The following ANO6 variants were observed in gnomAD, a reference collection of about 807,000 sequenced individuals.
The protein encoded by ANO6 is anoctamin 6.
In ANO6, 106 loss-of-function variants were observed where a neutral mutation model predicts 117.5. The observed-to-expected ratio is 0.90, with a 90% confidence interval of 0.77 to 1.06. The LOEUF (loss-of-function observed/expected upper bound fraction) is 1.06. ANO6 is among the 50% of genes least tolerant of loss of function. ANO6 has a pLI of 0.00. For missense variants in ANO6, 955 were observed against 1,121.1 expected, an observed-to-expected ratio of 0.85 and a Z score of 2.12; for synonymous variants, 367 against 385.1, an observed-to-expected ratio of 0.95 and a Z score of 0.55.
intron 9 of ANO6, among the ~76,000 whole-genome samples, chr12:45,370,919 G>A (rs992775474): frequency 3.3e-5 from 5 of 152,146 alleles, no homozygotes; most frequent in African/African-American, 4.8e-5. Flanking sequence ...CGCAGGAGAC[G>A]GGTGATTTCT....
downstream of ANO6, among the ~76,000 whole-genome samples, chr12:45,437,155 G>T (rs989010209): frequency 6.6e-6 from 1 of 152,180 alleles, no homozygotes; most frequent in African/African-American, 2.4e-5. Context: ...CCCTGGGAGG[G>T]TCTAAGTCCT....
chr12:45,327,903 C>T (rs756721908), intron 2 of ANO6, among the ~76,000 whole-genome samples: 7 of 151,996 alleles, frequency 4.6e-5, no homozygotes, highest in Non-Finnish European at 1.0e-4. Flanking sequence ...AGAGAACTCA[C>T]GGTGAACAAG....
chr12:45,321,654 A>G (rs564220854), intron 2 of ANO6, among the ~76,000 whole-genome samples: 2 of 152,130 alleles, frequency 1.3e-5, no homozygotes, highest in South Asian at 2.1e-4. Context: ...CGTGTTGTTC[A>G]TTTTCGAGAA....
At chr12:45,344,977 G>C (rs915891800) in intron 3 of ANO6, among the ~76,000 whole-genome samples, 1 of 152,140 alleles carries the variant, frequency 6.6e-6, no homozygotes, top group African/African-American at 2.4e-5. Context: ...TTGGGGAGCG[G>C]AGTAGGAAAG....
At chr12:45,276,671 A>T (rs546381132) in intron 1 of ANO6, among the ~76,000 whole-genome samples, 2 of 152,292 alleles carry the variant, frequency 1.3e-5, no homozygotes, top group South Asian at 2.1e-4. Context: ...GTTATTTTAA[A>T]AGTACTTATA....
In ANO6 at chr12:45,432,015, G is replaced by A. The variant is rs58181166; in HGVS notation, c.*2704G>A. 3.0e-6 allele frequency: 3 copies of A among 985,188 alleles called. No individual in the cohort carries two copies. The Admixed American group carries it at 1.8e-4, about 61-fold the overall frequency. The allele number at this position is 985,188 out of a possible 1,614,324, so 61.0% of individuals were successfully genotyped here. ...ACTAAACAAGGCCATCTTATAAACT[G>A]TCACCAAAGTCTTCCCTTTTTTATT... is the stretch of plus-strand genomic sequence containing the variant. On this transcript the variant is annotated 3_prime_UTR_variant, in exon 20 of 20. Coordinates refer to ENST00000320560, the MANE Select transcript of ANO6 (RefSeq NM_001025356.3).
At chr12:45,271,441 T>C (rs975918880) in intron 1 of ANO6, among the ~76,000 whole-genome samples, 2 of 152,240 alleles carry the variant, frequency 1.3e-5, no homozygotes, top group Non-Finnish European at 2.9e-5. Flanking sequence ...TTACTTTTAA[T>C]AGCAAAAAGT....
chr12:45,224,177 G>A (rs904367010), intron 1 of ANO6, among the ~76,000 whole-genome samples: 2 of 152,156 alleles, frequency 1.3e-5, no homozygotes, highest in African/African-American at 4.8e-5. Flanking sequence ...GAAAGCACGT[G>A]ACCTTGCCTA....
chr12:45,229,477 CCTCCTGGGTTCAAGCGAGT>C (rs1947540552), intron 1 of ANO6, among the ~76,000 whole-genome samples: 2 of 150,260 alleles, frequency 1.3e-5, no homozygotes, highest in South Asian at 4.3e-4. Context: ...GCAACCTCCA[CCTCCTGGGTTCAAGCGAGT>C]CTCCTGCCTC....
rs780976977 is a variant in ANO6, at chr12:45,421,035, TAAC to T, written c.2218-35_2218-33del. 4.1e-5 allele frequency: 66 copies of T among 1,608,088 alleles called. 1 individual carries two copies. On this transcript the variant is annotated intron_variant, in intron 17 of 19. Coordinates refer to ENST00000320560, the MANE Select transcript of ANO6 (RefSeq NM_001025356.3). Reference sequence around the variant, plus strand: ...ACTCCGTCTCAAAAACAAAAAACTATAACTTCATTTTCGCTTTGTTTTTCTCCC... The same window carrying T: ...ACTCCGTCTCAAAAACAAAAAACTATTTCATTTTCGCTTTGTTTTTCTCCC...
chr12:45,244,650 C>T (rs759215684), intron 1 of ANO6, among the ~76,000 whole-genome samples: 7 of 152,002 alleles, frequency 4.6e-5, no homozygotes, highest in Non-Finnish European at 7.4e-5. Flanking sequence ...TGCATGGTGC[C>T]GTAGAAATCC....
intron 1 of ANO6, among the ~76,000 whole-genome samples, chr12:45,237,813 G>A (rs1459564670): frequency 6.6e-6 from 1 of 152,188 alleles, no homozygotes; most frequent in Non-Finnish European, 1.5e-5. Context: ...ATTACCTTGG[G>A]CAGTATGGCC....
chr12:45,235,510 A>T (rs1947632244), intron 1 of ANO6, among the ~76,000 whole-genome samples: 1 of 152,146 alleles, frequency 6.6e-6, no homozygotes, highest in Admixed American at 6.5e-5. Context: ...CCTGGCAGTA[A>T]ACAATTCTAT....
intron 3 of ANO6, among the ~76,000 whole-genome samples, chr12:45,335,120 A>G (rs1205047569): frequency 6.6e-6 from 1 of 152,074 alleles, no homozygotes; most frequent in African/African-American, 2.4e-5. Flanking sequence ...CTTGAAGTTG[A>G]AAAGTTTATA....
At chr12:45,236,962 C>T (rs554895007) in intron 1 of ANO6, among the ~76,000 whole-genome samples, 5 of 152,302 alleles carry the variant, frequency 3.3e-5, no homozygotes, top group African/African-American at 1.2e-4. Flanking sequence ...TTTTTATTTG[C>T]ATTTCTCTGA....
At position 45,357,375 on chromosome 12, in the gene ANO6, G is replaced by A. The variant is rs746596449; in HGVS notation, c.949G>A (p.Val317Met). 3 of 1,613,902 alleles carry A rather than the reference G, an allele frequency of 1.9e-6. No homozygotes were observed. ...QMLLLAAVVGVACFLYGYLNQ... is the reference protein window; with the variant it reads ...QMLLLAAVVGMACFLYGYLNQ... ...GCTTCTCCTGGCCGCAGTTGTAGGA[G>A]TGGCTTGCTTTCTCTATGGATATCT... is the stretch of plus-strand genomic sequence containing the variant. The change falls in exon 8 of 20, where the codon GTG (valine) becomes ATG (methionine). Residue 317 changes from valine to methionine, a missense_variant. By Grantham distance (21) the Val-to-Met change is conservative. Coordinates refer to ENST00000320560, the MANE Select transcript of ANO6 (RefSeq NM_001025356.3).
Position 45,431,083 on chromosome 12 carries a change from T to C in ANO6, c.*1772T>C, listed in dbSNP as rs943810678. 1.8e-5 allele frequency: 18 copies of C among 985,320 alleles called. No homozygotes were observed. In the Admixed American group the frequency reaches 5.5e-4, roughly 30 times the overall value. 61.0% of individuals were successfully genotyped at this position (985,320 alleles called of 1,614,324 possible). A position where few individuals can be genotyped will look rare whatever the true frequency, so the allele number is the denominator to read the frequency against. On this transcript the variant is annotated 3_prime_UTR_variant, in exon 20 of 20. Transcript: ENST00000320560. ...TTATGTAGGATCCATCAAAGCAGTATTGTAGGCTTTTGAATTGTCCCAGTG... is the reference window on the plus strand; with the variant it reads ...TTATGTAGGATCCATCAAAGCAGTACTGTAGGCTTTTGAATTGTCCCAGTG...
intron 9 of ANO6, among the ~76,000 whole-genome samples, chr12:45,370,967 G>A (rs1477166313): frequency 6.6e-6 from 1 of 152,200 alleles, no homozygotes; most frequent in Non-Finnish European, 1.5e-5. Flanking sequence ...TCTCACTAGG[G>A]AGTGCCAGAC....
intron 9 of ANO6, among the ~76,000 whole-genome samples, chr12:45,376,662 T>C (rs1184056992): frequency 1.5e-5 from 2 of 136,172 alleles, no homozygotes; most frequent in Non-Finnish European, 3.0e-5. Context: ...TGAGATCACA[T>C]GGACACAGGA....
Sources: allele counts gnomAD v4.1 joint callset (sites outside exome capture counted in the v4.1 genomes callset), GRCh38; gene constraint gnomAD v4.1.1; transcripts MANE v1.5; gene names NCBI Gene and HGNC (gene_info 2026-07-23, HGNC 2026-07-21).